Variants in RIN3 observed in about 807,000 individuals in gnomAD.
RIN3 encodes the protein Ras and Rab interactor 3.
In RIN3, 54 loss-of-function variants were observed where a neutral mutation model predicts 76.3. The ratio of observed to expected loss-of-function variants is 0.71; its 90% CI spans 0.57 to 0.89. The LOEUF (loss-of-function observed/expected upper bound fraction) is 0.89. RIN3 is among the 40% of genes least tolerant of loss of function. The pLI is 0.00. For synonymous variants in RIN3, 576 were observed against 564.0 expected, an observed-to-expected ratio of 1.02 and a Z score of -0.30; for missense variants, 1,256 against 1,322.1, an observed-to-expected ratio of 0.95 and a Z score of 0.78.
At chr14:92,539,871 C>T (rs1897093120) in intron 1 of RIN3, among the ~76,000 whole-genome samples, 1 of 152,132 alleles carries the variant, frequency 6.6e-6, no homozygotes, top group African/African-American at 2.4e-5. Flanking sequence ...AGCCATGAGC[C>T]TTCAACCACA....
rs776983664 is a variant in RIN3, at chr14:92,652,760, C to T, written c.1711C>T (p.Pro571Ser). 1.2e-6 allele frequency: 2 copies of T among 1,613,938 alleles called. No individual in the cohort carries two copies. The highest frequency in any genetic ancestry group is 1.7e-6 in the Non-Finnish European group (2 of 1,180,036). ...CAGCAGCCCCAGCGTGAAGAAGAAG[C>T]CCTCCATGATCCTGGGCAAGGCTCG... ...QFSSPSVKKK[P>S]SMILGKARHR... The change falls in exon 6 of 10, where the codon CCC becomes TCC. Residue 571 changes from proline (P) to serine (S), a missense_variant. Pro to Ser is a moderately conservative substitution (Grantham distance 74). Around this residue, in one of 3 missense-constraint regions of RIN3, gnomAD observed 428 missense variants for 521.2 expected, o/e 0.82. Transcript: ENST00000216487. The surrounding 1 kb of genome is among the most constrained non-coding windows in gnomAD (Gnocchi z 6.4).
At chr14:92,539,443 A>G (rs969442025) in intron 1 of RIN3, among the ~76,000 whole-genome samples, 3 of 152,328 alleles carry the variant, frequency 2.0e-5, no homozygotes, top group Admixed American at 1.3e-4. Context: ...TGAGGCAAAG[A>G]GAGCCTGAGT....
At chr14:92,557,271 C>T (rs1411426045) in intron 2 of RIN3, among the ~76,000 whole-genome samples, 3 of 152,192 alleles carry the variant, frequency 2.0e-5, no homozygotes, top group Non-Finnish European at 2.9e-5. Context: ...GAGGCAACTG[C>T]GATGCAAAGG....
At chr14:92,665,031 G>C (rs1169108428) in intron 7 of RIN3, among the ~76,000 whole-genome samples, 1 of 152,212 alleles carries the variant, frequency 6.6e-6, no homozygotes, top group Non-Finnish European at 1.5e-5. Flanking sequence ...GATGGAAATA[G>C]AATCTGAGGA....
chr14:92,569,571 G>C (rs993474283), intron 2 of RIN3, among the ~76,000 whole-genome samples: 3 of 151,930 alleles, frequency 2.0e-5, no homozygotes, highest in Non-Finnish European at 4.4e-5. Context: ...ATCTCCCTCT[G>C]AGAGCTCCTG....
chr14:92,616,984 A>G lies in RIN3; in HGVS notation c.440+1505A>G, dbSNP rs577371250. On this transcript the variant is annotated intron_variant, in intron 4 of 9. Coordinates refer to ENST00000216487, the MANE Select transcript of RIN3 (RefSeq NM_024832.5). The stretch of plus-strand genomic sequence containing the variant: ...TAGTGCATGAGCTTAGTCCAAAACA[A>G]CAGCCTGCCAGAATTTTGTTTAACA... 3.9e-5 allele frequency among the ~76,000 whole-genome samples: 6 copies of G among 152,302 alleles called. No individual in the cohort carries two copies. The South Asian group carries it at 1.2e-3, about 32-fold the overall frequency.
intron 7 of RIN3, among the ~76,000 whole-genome samples, chr14:92,668,744 A>G (rs1360902725): frequency 1.3e-5 from 2 of 152,228 alleles, no homozygotes; most frequent in Non-Finnish European, 2.9e-5. Flanking sequence ...TCTAGGGGCC[A>G]CAGACATAGC....
intron 4 of RIN3, among the ~76,000 whole-genome samples, chr14:92,639,922 C>A (rs1159419779): frequency 3.3e-5 from 1 of 29,992 alleles, no homozygotes; most frequent in South Asian, 1.1e-3. Context: ...GTGCGTTCGT[C>A]GGGGGCTGCC....
chr14:92,622,538 C>G (rs1886218290), intron 4 of RIN3, among the ~76,000 whole-genome samples: 1 of 152,212 alleles, frequency 6.6e-6, no homozygotes, highest in Non-Finnish European at 1.5e-5. Flanking sequence ...GCGCTTCCTG[C>G]ATGCAAGGCA....
At position 92,514,012 on chromosome 14, in the gene RIN3, TC is replaced by T; in HGVS notation, c.44+40del. 8.4e-7 allele frequency: 1 copy of T among 1,193,354 alleles called. No individual in the cohort carries two copies. The highest frequency in any genetic ancestry group is 1.1e-6 in the Non-Finnish European group (1 of 951,790). The allele number at this position is 1,193,354 out of a possible 1,614,324, so 73.9% of individuals were successfully genotyped here. ...GCGGCCGCCCCCTCCTCCCTCGCGA[TC>T]CCCACGGCCCGCGTCCTGGCCGCCC... On this transcript the variant is annotated intron_variant, in intron 1 of 9. Coordinates refer to ENST00000216487, the MANE Select transcript of RIN3 (RefSeq NM_024832.5). This position sits in a 1 kb window ranked among gnomAD's most constrained non-coding sequence, Gnocchi z 7.2.
chr14:92,526,178 G>A (rs997446410), intron 1 of RIN3, among the ~76,000 whole-genome samples: 5 of 152,152 alleles, frequency 3.3e-5, no homozygotes, highest in African/African-American at 7.2e-5. Flanking sequence ...GCTATTGCCC[G>A]GGCGAGGTGG....
intron 1 of RIN3, among the ~76,000 whole-genome samples, chr14:92,542,529 C>T (rs1235932877): frequency 6.6e-6 from 1 of 152,150 alleles, no homozygotes; most frequent in African/African-American, 2.4e-5. Flanking sequence ...AAATACTAAA[C>T]ACAGAATTAC....
At position 92,547,421 on chromosome 14, in the gene RIN3, G is replaced by T. The variant is rs1336829654; in HGVS notation, c.45-8330G>T. Reference sequence around the variant, plus strand: ...ATTATTTTATTATTATTGAGACAGGGTCTTGCTCTGTCACCCAGGCTGGAG... The same window carrying T: ...ATTATTTTATTATTATTGAGACAGGTTCTTGCTCTGTCACCCAGGCTGGAG... On this transcript the variant is annotated intron_variant, in intron 1 of 9. Coordinates refer to ENST00000216487, the MANE Select transcript of RIN3 (RefSeq NM_024832.5). Among the ~76,000 whole-genome samples the T allele has an allele frequency of 3.4e-5, 5 of 145,566 alleles. No individual in the cohort carries two copies. In the South Asian group the frequency reaches 1.1e-3, roughly 31 times the overall value.
rs1896359333 is a variant in RIN3, at chr14:92,513,878, C to CAA, written c.-55_-54insAA. The CAA allele has an allele frequency of 1.6e-6, 2 of 1,232,812 alleles. No homozygotes were observed. Among genetic ancestry groups the CAA allele is most frequent in the Non-Finnish European group, 2.0e-6 (2 of 983,836 alleles). The allele number at this position is 1,232,812 out of a possible 1,614,324, so 76.4% of individuals were successfully genotyped here. A position where few individuals can be genotyped will look rare whatever the true frequency, so the allele number is the denominator to read the frequency against. ...ATGCGGGCGCCCGGGACTCCGCGTTCCGCGCGGCCCGGCGCCTGAGCGCCT... is the reference window on the plus strand; with the variant it reads ...ATGCGGGCGCCCGGGACTCCGCGTTCAACGCGCGGCCCGGCGCCTGAGCGCCT... On this transcript the variant is annotated 5_prime_UTR_variant, in exon 1 of 10. An upstream open reading frame in the 5' UTR loses its in-frame stop. Coordinates refer to ENST00000216487, the MANE Select transcript of RIN3 (RefSeq NM_024832.5).
intron 7 of RIN3, among the ~76,000 whole-genome samples, chr14:92,674,820 C>T (rs1566900115): frequency 1.3e-5 from 2 of 148,802 alleles, no homozygotes; most frequent in Admixed American, 6.8e-5. Context: ...ACCCGTGAGG[C>T]GGAGGTTGCA....
intron 2 of RIN3, among the ~76,000 whole-genome samples, chr14:92,571,320 C>T (rs910980704): frequency 6.6e-6 from 1 of 152,146 alleles, no homozygotes; most frequent in African/African-American, 2.4e-5. Context: ...TCTTTTAATA[C>T]TCCAGAAGAA....
chr14:92,679,745 T>C (rs552749289), intron 8 of RIN3, among the ~76,000 whole-genome samples: 1 of 151,766 alleles, frequency 6.6e-6, no homozygotes, highest in Admixed American at 6.6e-5. Flanking sequence ...GGGTGGGAGG[T>C]GGGGGTTCCC....
intron 8 of RIN3, among the ~76,000 whole-genome samples, chr14:92,683,042 C>T (rs1595509617): frequency 6.6e-6 from 1 of 152,142 alleles, no homozygotes; most frequent in Non-Finnish European, 1.5e-5. Context: ...TGGTGCGTGC[C>T]TATAATCCCA....
intron 7 of RIN3, among the ~76,000 whole-genome samples, chr14:92,667,129 G>A (rs1417000558): frequency 2.0e-5 from 3 of 152,164 alleles, no homozygotes; most frequent in East Asian, 3.9e-4. Context: ...GGACCCCAGG[G>A]GTATGGAATA....
Sources: gnomAD v4.1 joint callset for allele counts (sites outside exome capture counted in the v4.1 genomes callset) on GRCh38, gnomAD v4.1.1 for gene constraint, gnomAD v4.1.1 regional missense constraint, Gnocchi (gnomAD v3.1) non-coding constraint, MANE v1.5 for transcripts, NCBI Gene and HGNC (gene_info 2026-07-23, HGNC 2026-07-21) for gene names.